Variants in AGAP1 observed in about 807,000 individuals in gnomAD.
AGAP1 encodes the protein ArfGAP with GTPase domain, ankyrin repeat and PH domain 1.
In AGAP1, 29 loss-of-function variants were observed where a neutral mutation model predicts 105.3. The observed-to-expected ratio is 0.28, with a 90% confidence interval of 0.21 to 0.38. The LOEUF is 0.38. AGAP1 is among the 10% of genes least tolerant of loss of function. The pLI, the probability that AGAP1 is intolerant of heterozygous loss-of-function variation, is 1.00. For synonymous variants in AGAP1, 509 were observed against 485.9 expected (o/e 1.05, Z -0.63); for missense variants, 998 against 1,165.1 (o/e 0.86, Z 2.09).
intron 9 of AGAP1, among the ~76,000 whole-genome samples, chr2:235,839,906 T>G (rs1422460500): frequency 2.0e-5 from 3 of 152,176 alleles, no homozygotes. Flanking sequence ...TGAGAGACTC[T>G]TATAAAGAAT....
At chr2:236,066,697 G>A (rs1471793028) in intron 16 of AGAP1, among the ~76,000 whole-genome samples, 1 of 152,104 alleles carries the variant, frequency 6.6e-6, no homozygotes, top group Non-Finnish European at 1.5e-5. Flanking sequence ...TTTGCATACT[G>A]CATTACACAC....
At position 236,123,962 on chromosome 2, in the gene AGAP1, C is replaced by T. The variant is rs779552533; in HGVS notation, c.2414C>T (p.Ala805Val). 2 of 1,613,860 alleles carry T rather than the reference C, an allele frequency of 1.2e-6. No individual in the cohort carries two copies. The highest frequency in any genetic ancestry group is 2.2e-5 in the East Asian group (1 of 44,882). Residue 805 changes from alanine to valine, a missense_variant, in exon 18 of 18, where the codon GCT (alanine) becomes GTT (valine). This residue lies in a region of AGAP1 where 235 missense variants were observed against 270.7 expected (regional missense o/e 0.87). Coordinates refer to ENST00000304032, the MANE Select transcript of AGAP1 (RefSeq NM_001037131.3). This position sits in a 1 kb window ranked among gnomAD's most constrained non-coding sequence, Gnocchi z 4.6. ...GCCCGAGATGCCCACGGGAACACAGCTCTGGCCTACGCCCGGCAGGCCTCC... is the reference window on the plus strand; with the variant it reads ...GCCCGAGATGCCCACGGGAACACAGTTCTGGCCTACGCCCGGCAGGCCTCC... ...VTARDAHGNT[A>V]LAYARQASSQ...
chr2:235,998,474 T>C (rs1174490640), intron 13 of AGAP1, among the ~76,000 whole-genome samples: 1 of 152,182 alleles, frequency 6.6e-6, no homozygotes, highest in African/African-American at 2.4e-5. Context: ...GCTGTGGGGC[T>C]TCAACCTAGT....
In AGAP1 at chr2:236,016,307, T is replaced by G. The variant is rs191060848; in HGVS notation, c.1646-20254T>G. Among the ~76,000 whole-genome samples, 5 of 150,960 alleles carry G rather than the reference T, an allele frequency of 3.3e-5. No individual in the cohort carries two copies. The East Asian group carries it at 9.7e-4, about 29-fold the overall frequency. On this transcript the variant is annotated intron_variant, in intron 13 of 17. Transcript: ENST00000304032. ...GGGTATTAGTATACTCTTTTCACCGTTTTTTAAATGTTTTTCAACTTAGCG... is the reference window on the plus strand; with the variant it reads ...GGGTATTAGTATACTCTTTTCACCGGTTTTTAAATGTTTTTCAACTTAGCG...
At position 235,872,284 on chromosome 2, in the gene AGAP1, T is replaced by C. The variant is rs980489038; in HGVS notation, c.1051-11061T>C. On this transcript the variant is annotated intron_variant, in intron 9 of 17. Coordinates refer to ENST00000304032, the MANE Select transcript of AGAP1 (RefSeq NM_001037131.3). The surrounding 1 kb of genome is among the most constrained non-coding windows in gnomAD (Gnocchi z 4.5). ...ATAAAAAAAAAAAGTTCTAAATAAA[T>C]GCCGAAGCCACATAGGAGTCAAAGA... Among the ~76,000 whole-genome samples, 9 of 152,010 alleles carry C rather than the reference T, an allele frequency of 5.9e-5. No homozygotes were observed. Among genetic ancestry groups the C allele is most frequent in the African/African-American group, 2.2e-4 (9 of 41,390 alleles).
intron 12 of AGAP1, among the ~76,000 whole-genome samples, chr2:235,945,702 T>C (rs764153265): frequency 7.9e-5 from 12 of 152,024 alleles, no homozygotes; most frequent in Non-Finnish European, 1.8e-4. Flanking sequence ...ATGAATCCGT[T>C]CTCACACTGC....
intron 9 of AGAP1, chr2:235,852,793 C>T: frequency 6.5e-7 from 1 of 1,532,178 alleles, no homozygotes; most frequent in Non-Finnish European, 8.8e-7. Context: ...GTGGTCAGAC[C>T]AGCCCGCATT....
chr2:236,082,415 C>T lies in AGAP1; in HGVS notation c.2114+33134C>T, dbSNP rs146283802. Reference sequence around the variant, plus strand: ...ATTAATTAGGCATGTGGTGGGAGCTCACCCACCAGGTCCTGCTACGGGGCC... The same window carrying T: ...ATTAATTAGGCATGTGGTGGGAGCTTACCCACCAGGTCCTGCTACGGGGCC... On this transcript the variant is annotated intron_variant, in intron 16 of 17. Coordinates refer to ENST00000304032, the MANE Select transcript of AGAP1 (RefSeq NM_001037131.3). The surrounding 1 kb of genome is among the most constrained non-coding windows in gnomAD (Gnocchi z 4.2). 1.3e-5 allele frequency among the ~76,000 whole-genome samples: 2 copies of T among 152,334 alleles called. No homozygotes were observed. Among genetic ancestry groups the T allele is most frequent in the African/African-American group, 4.8e-5 (2 of 41,582 alleles).
chr2:235,540,479 G>C (rs1374053863), intron 1 of AGAP1, among the ~76,000 whole-genome samples: 4 of 152,134 alleles, frequency 2.6e-5, no homozygotes, highest in Admixed American at 1.3e-4. Flanking sequence ...TCCTAATTGA[G>C]AGAATTTGAA....
Position 235,810,128 on chromosome 2 carries a change from C to T in AGAP1, c.1050+2797C>T, listed in dbSNP as rs1349648809. On this transcript the variant is annotated intron_variant, in intron 9 of 17. Transcript: ENST00000304032. ...ACATGTTTTAAATTAAGTAAGTGAA[C>T]CACGACCTGAGACAAAAATATCTTA... Among the ~76,000 whole-genome samples the T allele has an allele frequency of 2.0e-5, 3 of 152,174 alleles. No individual in the cohort carries two copies. In the East Asian group the frequency reaches 5.8e-4, roughly 29 times the overall value.
intron 1 of AGAP1, among the ~76,000 whole-genome samples, chr2:235,682,873 A>C (rs567569794): frequency 5.9e-5 from 9 of 151,640 alleles, no homozygotes; most frequent in African/African-American, 2.2e-4. Flanking sequence ...CAGCTGCTGT[A>C]GTTCTTTTGT....
chr2:235,945,398 G>A lies in AGAP1; in HGVS notation c.1483+14475G>A, dbSNP rs72989203. On this transcript the variant is annotated intron_variant, in intron 12 of 17. Coordinates refer to ENST00000304032, the MANE Select transcript of AGAP1 (RefSeq NM_001037131.3). ...ATTTCATTACAGAAGCATGGTTAACGCGTGCGCTAGCAGAAAAGTCCCACC... is the reference window on the plus strand; with the variant it reads ...ATTTCATTACAGAAGCATGGTTAACACGTGCGCTAGCAGAAAAGTCCCACC... Among the ~76,000 whole-genome samples, 144 of 152,246 alleles carry A rather than the reference G, an allele frequency of 9.5e-4. 1 individual carries two copies. The highest frequency in any genetic ancestry group is 2.0e-3 in the African/African-American group (82 of 41,548).
chr2:235,497,810 A>G (rs887666768), intron 1 of AGAP1, among the ~76,000 whole-genome samples: 3 of 151,542 alleles, frequency 2.0e-5, no homozygotes, highest in Non-Finnish European at 4.4e-5. Flanking sequence ...GTTAGCCGGT[A>G]TGGTCTCCGT....
Position 236,028,312 on chromosome 2 carries a change from T to C in AGAP1, c.1646-8249T>C, listed in dbSNP as rs369203147. On this transcript the variant is annotated intron_variant, in intron 13 of 17. Transcript: ENST00000304032. ...AGACCTGAACCTGAGCAGGCCACCC[T>C]CAGGCTCTGGTTAATCCGTCACCTC... 1.8e-4 allele frequency among the ~76,000 whole-genome samples: 28 copies of C among 152,302 alleles called. 1 individual carries two copies. In the South Asian group the frequency reaches 4.6e-3, roughly 25 times the overall value.
At position 236,105,550 on chromosome 2, in the gene AGAP1, C is replaced by CTTTTT. The variant is rs71039711; in HGVS notation, c.2115-14623_2115-14619dup. Among the ~76,000 whole-genome samples, 1 of 81,314 alleles carries CTTTTT rather than the reference C, an allele frequency of 1.2e-5. No individual in the cohort carries two copies. Among genetic ancestry groups the CTTTTT allele is most frequent in the Admixed American group, 1.2e-4 (1 of 8,138 alleles). The allele number at this position is 81,314 out of a possible 152,430, so 53.3% of individuals were successfully genotyped here. A position where few individuals can be genotyped will look rare whatever the true frequency, so the allele number is the denominator to read the frequency against. ...GAGAGGAGAGGGGCATCTCTCGTGT[C>CTTTTT]TTTTTTTTTTTTTTTTTTTTTTTGA... On this transcript the variant is annotated intron_variant, in intron 16 of 17. Transcript: ENST00000304032. The surrounding 1 kb of genome is among the most constrained non-coding windows in gnomAD (Gnocchi z 4.2).
intron 1 of AGAP1, chr2:235,507,287 G>A (rs1234893879): frequency 6.6e-6 from 1 of 152,518 alleles, no homozygotes; most frequent in Non-Finnish European, 1.5e-5. Context: ...TGTTTAGGAT[G>A]AGAAGATGTA....
Position 235,905,803 on chromosome 2 carries a change from G to A in AGAP1, c.1156-2935G>A, listed in dbSNP as rs1313150846. Among the ~76,000 whole-genome samples, 1 of 152,190 alleles carries A rather than the reference G, an allele frequency of 6.6e-6. No individual in the cohort carries two copies. The highest frequency in any genetic ancestry group is 1.5e-5 in the Non-Finnish European group (1 of 68,024). The stretch of plus-strand genomic sequence containing the variant: ...CGTGAGCCACCGCGCCCCGCCTGAT[G>A]TGCTTTTCATTTGTCACCCTCAACA... On this transcript the variant is annotated intron_variant, in intron 10 of 17. Transcript: ENST00000304032. This position sits in a 1 kb window ranked among gnomAD's most constrained non-coding sequence, Gnocchi z 4.2.
chr2:236,059,369 G>T (rs1355085694), intron 16 of AGAP1, among the ~76,000 whole-genome samples: 1 of 152,164 alleles, frequency 6.6e-6, no homozygotes, highest in Non-Finnish European at 1.5e-5. Flanking sequence ...TCACGGATTG[G>T]AATATGGCAG....
At chr2:235,818,040 GTCC>G (rs1958560483) in intron 9 of AGAP1, among the ~76,000 whole-genome samples, 2 of 152,198 alleles carry the variant, frequency 1.3e-5, no homozygotes, top group Admixed American at 1.3e-4. Flanking sequence ...CCCAAGTCTA[GTCC>G]TCCTGGTTCA....
Sources: allele counts gnomAD v4.1 joint callset (sites outside exome capture counted in the v4.1 genomes callset), GRCh38; gene constraint gnomAD v4.1.1; regional missense constraint gnomAD v4.1.1; non-coding constraint Gnocchi (gnomAD v3.1); transcripts MANE v1.5; gene names NCBI Gene and HGNC (gene_info 2026-07-23, HGNC 2026-07-21).